The following NBPF8 variants were observed in gnomAD, a reference collection of about 807,000 sequenced individuals.
NBPF8 encodes NBPF family member NBPF8.
downstream of NBPF8, among the ~76,000 whole-genome samples, chr1:120,468,772 C>T (rs1661820675): frequency 6.6e-6 from 1 of 151,338 alleles, no homozygotes; most frequent in Non-Finnish European, 1.5e-5. Context: ...TGTTTCTCCA[C>T]ACTCGCTTTC....
At chr1:120,417,777 T>G (rs1294745978), upstream of NBPF8, among the ~76,000 whole-genome samples, 1 of 143,984 alleles carries the variant, frequency 6.9e-6, no homozygotes, top group African/African-American at 2.7e-5. Context: ...ATTTTCATAT[T>G]TTTTGTAGAG....
At chr1:120,454,186 A>G in intron 15 of NBPF8, 72 bp downstream of exon 13, 2 of 1,469,400 alleles carry the variant, frequency 1.4e-6, no homozygotes, top group Non-Finnish European at 9.4e-7. Context: ...GACAGGCTCT[A>G]TAAACACAAA....
intron 1 of NBPF8, among the ~76,000 whole-genome samples, chr1:120,425,708 G>A (rs1224349169): frequency 2.7e-5 from 4 of 150,500 alleles, no homozygotes; most frequent in Admixed American, 2.0e-4. Context: ...GTGTGGAGGG[G>A]CAACCCATCC....
intron 20 of NBPF8, among the ~76,000 whole-genome samples, chr1:120,462,509 C>T (rs1445939858): frequency 1.7e-5 from 2 of 118,294 alleles, no homozygotes; most frequent in Admixed American, 8.9e-5. Flanking sequence ...GTCCCGAGGG[C>T]ACTAACTCAG....
At chr1:120,449,858 C>G (rs587631193) in intron 11 of NBPF8, among the ~76,000 whole-genome samples, 1 of 152,142 alleles carries the variant, frequency 6.6e-6, no homozygotes, top group African/African-American at 2.4e-5. Flanking sequence ...TGATAGTAGC[C>G]AGTACCTGCT....
At chr1:120,451,750 A>G (rs1661278986) in intron 12 of NBPF8, among the ~76,000 whole-genome samples, 2 of 145,592 alleles carry the variant, frequency 1.4e-5, no homozygotes, top group African/African-American at 5.2e-5. Flanking sequence ...ATTTCTGTAC[A>G]TGGCTTTGTA....
intron 24 of NBPF8, 42 bp from the exon 23 acceptor site, chr1:120,465,936 G>A: frequency 6.2e-7 from 1 of 1,611,802 alleles, no homozygotes; most frequent in Non-Finnish European, 8.5e-7. Flanking sequence ...TGTGGTGTCT[G>A]ATTTTCCCTG....
chr1:120,415,329 C>G (rs1660400218), upstream of NBPF8, among the ~76,000 whole-genome samples: 1 of 151,646 alleles, frequency 6.6e-6, no homozygotes, highest in Admixed American at 6.6e-5. Flanking sequence ...CGCGGGTACA[C>G]AGCTGGGTCG....
downstream of NBPF8, among the ~76,000 whole-genome samples, chr1:120,469,026 T>G (rs1259693149): frequency 6.6e-6 from 1 of 151,498 alleles, no homozygotes. Flanking sequence ...TCAGCTGTTA[T>G]CATCCTAGGT....
At chr1:120,452,796 C>G (rs1553249114) in intron 13 of NBPF8, among the ~76,000 whole-genome samples, 9 of 152,180 alleles carry the variant, frequency 5.9e-5, no homozygotes, top group Non-Finnish European at 1.3e-4. Context: ...GGAACACTTA[C>G]AACTGCTTTC....
chr1:120,436,919 A>AAC lies in NBPF8; in HGVS notation n.345+223_345+224dup, dbSNP rs1182096723. Reference sequence around the variant, plus strand: ...TCAGATGGGGGTGGGACTAGAGTTAAACTCACAGTTATTGATTTCTAACAC... The same window carrying AAC: ...TCAGATGGGGGTGGGACTAGAGTTAAACACTCACAGTTATTGATTTCTAACAC... On this transcript the variant is annotated intron_variant and non_coding_transcript_variant, in intron 1 of 24. Transcript: ENST00000583271. Among the ~76,000 whole-genome samples the AAC allele has an allele frequency of 9.9e-5, 3 of 30,376 alleles. No homozygotes were observed. In the Admixed American group the frequency reaches 1.1e-3, roughly 11 times the overall value. The allele number at this position is 30,376 out of a possible 152,430, so 19.9% of individuals were successfully genotyped here.
At chr1:120,452,077 C>A (rs1304442191) in intron 12 of NBPF8, 40 bp from the exon 11 acceptor site, 10 of 1,435,368 alleles carry the variant, frequency 7.0e-6, no homozygotes, top group South Asian at 2.3e-5. Context: ...GATCACTCAA[C>A]CCTTTCCACT....
chr1:120,436,730 A>G, intron 1 of NBPF8, 33 bp downstream of exon 4: 1 of 1,027,132 alleles, frequency 9.7e-7, no homozygotes, highest in Admixed American at 1.8e-5. Context: ...CATGAAAGTG[A>G]TGAATGATGT....
downstream of NBPF8, chr1:120,467,843 C>T (rs1284026983): frequency 1.3e-5 from 2 of 152,056 alleles, no homozygotes; most frequent in East Asian, 1.9e-4. Context: ...ATTTCATTTC[C>T]ATGTTTATTT....
exon 1 of NBPF8, chr1:120,436,413 T>A: frequency 8.1e-7 from 1 of 1,237,092 alleles, no homozygotes; most frequent in South Asian, 1.3e-5. Context: ...GTTACTGACA[T>A]CCCTCAGTCC....
At chr1:120,431,132 A>G (rs1660861911) in intron 3 of NBPF8, among the ~76,000 whole-genome samples, 2 of 137,294 alleles carry the variant, frequency 1.5e-5, no homozygotes, top group Non-Finnish European at 3.2e-5. Flanking sequence ...TGTTTTGTTG[A>G]AAAAAAAAAT....
chr1:120,420,255 T>C (rs1481678730), intron 1 of NBPF8, among the ~76,000 whole-genome samples, 137 bp downstream of exon 2: 1 of 152,074 alleles, frequency 6.6e-6, no homozygotes. Context: ...ACTGAATTAA[T>C]ATTTGTTAAG....
intron 21 of NBPF8, 54 bp downstream of exon 19, chr1:120,463,020 G>T (rs1661635522): frequency 4.9e-6 from 3 of 609,504 alleles, no homozygotes; most frequent in South Asian, 2.0e-5. Context: ...CCAGATAGGG[G>T]TGATATTCCT....
At chr1:120,453,044 A>G (rs1249637716) in intron 13 of NBPF8, among the ~76,000 whole-genome samples, 480 of 142,946 alleles carry the variant, frequency 3.4e-3, no homozygotes, top group East Asian at 0.013. Context: ...ACAGGACACC[A>G]AGCCTGTGCC....
Sources: allele counts gnomAD v4.1 joint callset (sites outside exome capture counted in the v4.1 genomes callset), GRCh38; gene constraint gnomAD v4.1.1; transcripts MANE v1.5; gene names NCBI Gene and HGNC (gene_info 2026-07-23, HGNC 2026-07-21).